The following ANKRD36B variants were observed in gnomAD, a reference collection of about 807,000 sequenced individuals.
ANKRD36B encodes the protein ankyrin repeat domain-containing protein 36B.
Under a neutral mutation model 135.7 loss-of-function variants are expected in ANKRD36B, and 37 were observed. The observed-to-expected ratio is 0.27, with a 90% CI of 0.21 to 0.36. The LOEUF is 0.36. Ranked by LOEUF, ANKRD36B falls within the 10% of genes least tolerant of loss-of-function variation. The pLI, the probability that ANKRD36B is intolerant of heterozygous loss-of-function variation, is 1.00. For synonymous variants in ANKRD36B, 179 were observed against 348.1 expected (o/e 0.51, Z 5.41); for missense variants, 549 against 1,037.1 (o/e 0.53, Z 6.46).
chr2:97,565,889 G>GTATA lies in ANKRD36B; in HGVS notation c.764-5033_764-5030dup, dbSNP rs70938522. On this transcript the variant is annotated intron_variant, in intron 6 of 43. Coordinates refer to ENST00000359901, the MANE Select transcript of ANKRD36B (RefSeq NM_001393939.1). Reference sequence around the variant, plus strand: ...GGTGTGTGTGTGTGTGTGTGTGTGTGTATATATATATATGTACAGTGGCTT... The same window carrying GTATA: ...GGTGTGTGTGTGTGTGTGTGTGTGTGTATATATATATATATATGTACAGTGGCTT... Among the ~76,000 whole-genome samples, 1,365 of 146,272 alleles carry GTATA rather than the reference G, an allele frequency of 9.3e-3. 7 individuals carry two copies. Among genetic ancestry groups the GTATA allele is most frequent in the Middle Eastern group, 0.038 (11 of 286 alleles).
chr2:97,560,578 T>G lies in ANKRD36B; in HGVS notation c.865+87A>C, dbSNP rs370555422. The G allele has an allele frequency of 7.7e-6, 12 of 1,563,816 alleles. No homozygotes were observed. The African/African-American group carries it at 9.5e-5, about 12-fold the overall frequency. ...GTACTGAATCAGAACGTGCAGCTTA[T>G]ATGAACTCCCCACTGATTTATTTGG... On this transcript the variant is annotated intron_variant, in intron 8 of 43. Transcript: ENST00000359901.
At chr2:97,581,162 C>T (rs1362517223) in intron 3 of ANKRD36B, among the ~76,000 whole-genome samples, 1 of 142,556 alleles carries the variant, frequency 7.0e-6, no homozygotes. Context: ...TTCACCTAAT[C>T]CCTATTTGTA....
At chr2:97,554,957 A>G (rs1204701473) in intron 14 of ANKRD36B, 103 bp downstream of exon 14, 54 of 1,410,850 alleles carry the variant, frequency 3.8e-5, no homozygotes, top group Non-Finnish European at 5.1e-5. Flanking sequence ...CTGCTGAATC[A>G]GAATGTGCAG....
intron 5 of ANKRD36B, among the ~76,000 whole-genome samples, chr2:97,577,624 A>G (rs2082314913): frequency 6.7e-6 from 1 of 149,360 alleles, no homozygotes; most frequent in African/African-American, 2.5e-5. Context: ...GCAAGCACAA[A>G]GCCTTACTTT....
In ANKRD36B at chr2:97,589,784, T is replaced by C. The variant is rs1246579908; in HGVS notation, c.-99A>G. On this transcript the variant is annotated 5_prime_UTR_variant, in exon 1 of 44. Transcript: ENST00000359901. Reference sequence around the variant, plus strand: ...CAGCTCGCCTTCGGGGATCGCCGCCTCCGAAGAGCAACAACAGGCAAAGCA... The same window carrying C: ...CAGCTCGCCTTCGGGGATCGCCGCCCCCGAAGAGCAACAACAGGCAAAGCA... 8.9e-6 allele frequency: 14 copies of C among 1,572,830 alleles called. No individual in the cohort carries two copies. Among genetic ancestry groups the C allele is most frequent in the East Asian group, 2.3e-5 (1 of 44,376 alleles).
At chr2:97,552,332 C>A (rs1366319366) in intron 16 of ANKRD36B, among the ~76,000 whole-genome samples, 1 of 151,876 alleles carries the variant, frequency 6.6e-6, no homozygotes, top group African/African-American at 2.4e-5. Flanking sequence ...TCTAAAATAG[C>A]CTTCTTGGGA....
chr2:97,538,261 A>G (rs1341606056), intron 31 of ANKRD36B, 21 bp from the exon 32 acceptor site: 1 of 955,376 alleles, frequency 1.0e-6, no homozygotes, highest in Non-Finnish European at 1.6e-6. Context: ...AGAGAAACAA[A>G]ATAGTCAATA....
rs530545171 is a variant in ANKRD36B, at chr2:97,571,411, G to A, written c.763+4968C>T. On this transcript the variant is annotated intron_variant, in intron 6 of 43. Transcript: ENST00000359901. The stretch of plus-strand genomic sequence containing the variant: ...ACCTATAATCCAAACACTTTGGGAG[G>A]CTGGGGCGGGCGGATCACAAGGTCA... Among the ~76,000 whole-genome samples the A allele has an allele frequency of 7.9e-5, 12 of 152,084 alleles. 1 individual carries two copies. In the South Asian group the frequency reaches 1.9e-3, roughly 24 times the overall value.
intron 43 of ANKRD36B, chr2:97,506,581 A>G (rs1355744704): frequency 1.2e-5 from 1 of 85,836 alleles, no homozygotes; most frequent in Admixed American, 1.0e-4. Context: ...GACAAAGTCA[A>G]TGACTAGAGA....
intron 6 of ANKRD36B, among the ~76,000 whole-genome samples, chr2:97,568,793 AAACAAC>A (rs769484597): frequency 3.9e-5 from 6 of 151,962 alleles, no homozygotes; most frequent in African/African-American, 1.2e-4. Context: ...CTAGTGGGAA[AAACAAC>A]AACAACAACA....
rs778296696 is a variant in ANKRD36B at position 97,555,179 on chromosome 2, T to A, written c.1098+47A>T. The A allele has an allele frequency of 4.2e-5, 68 of 1,611,206 alleles. 1 individual carries two copies. The Admixed American group carries it at 6.4e-4, about 15-fold the overall frequency. Reference sequence around the variant, plus strand: ...TTATCAATAAAGAAAGTATGTTTCATGGACTATACAGTTACTAATACAAAA... The same window carrying A: ...TTATCAATAAAGAAAGTATGTTTCAAGGACTATACAGTTACTAATACAAAA... On this transcript the variant is annotated intron_variant, in intron 13 of 43. Coordinates refer to ENST00000359901, the MANE Select transcript of ANKRD36B (RefSeq NM_001393939.1).
intron 20 of ANKRD36B, 83 bp downstream of exon 20, chr2:97,549,336 G>C: frequency 1.4e-6 from 2 of 1,448,906 alleles, no homozygotes; most frequent in Non-Finnish European, 1.9e-6. Context: ...CAGCTTCGAC[G>C]AGCCCCCCGC....
chr2:97,544,817 T>A lies in ANKRD36B; in HGVS notation c.1682-832A>T, dbSNP rs1189624695. Among the ~76,000 whole-genome samples, 2 of 96,282 alleles carry A rather than the reference T, an allele frequency of 2.1e-5. 1 individual carries two copies. Among genetic ancestry groups the A allele is most frequent in the African/African-American group, 6.2e-5 (2 of 32,212 alleles). The allele number at this position is 96,282 out of a possible 152,430, so 63.2% of individuals were successfully genotyped here. A position where few individuals can be genotyped will look rare whatever the true frequency, so the allele number is the denominator to read the frequency against. On this transcript the variant is annotated intron_variant, in intron 24 of 43. Coordinates refer to ENST00000359901, the MANE Select transcript of ANKRD36B (RefSeq NM_001393939.1). ...GGAGTTAATTAGAATTCAACATAAT[T>A]TTTGTTTCTAAAAAGTCTTTTTTGG...
intron 22 of ANKRD36B, among the ~76,000 whole-genome samples, chr2:97,546,327 G>A (rs1286387918): frequency 1.3e-5 from 2 of 151,698 alleles, no homozygotes; most frequent in South Asian, 2.1e-4. Flanking sequence ...ACAGAATTAC[G>A]ACGACATTTC....
In ANKRD36B at chr2:97,589,649, G is replaced by A. The variant is rs2083283555; in HGVS notation, c.37C>T (p.His13Tyr). 3 of 1,614,198 alleles carry A rather than the reference G, an allele frequency of 1.9e-6. No individual in the cohort carries two copies. The highest frequency in any genetic ancestry group is 2.5e-6 in the Non-Finnish European group (3 of 1,180,034). ...RLCSDGFAFP[H>Y]YYIKPYHLKR... ...AGATGATACGGTTTAATGTAGTAAT[G>A]GGGAAATGCGAAGCCATCCGAGCAC... The change falls in exon 1 of 44, where the codon CAT (histidine) becomes TAT (tyrosine). Residue 13 changes from histidine to tyrosine, a missense_variant. By Grantham distance (83) the His-to-Tyr change is moderately conservative (BLOSUM62 2). Coordinates refer to ENST00000359901, the MANE Select transcript of ANKRD36B (RefSeq NM_001393939.1).
intron 4 of ANKRD36B, 78 bp from the exon 5 acceptor site, chr2:97,579,121 G>A: frequency 7.5e-7 from 1 of 1,326,632 alleles, no homozygotes; most frequent in Non-Finnish European, 1.0e-6. Flanking sequence ...AACTTAACAT[G>A]TTGCCTGTCC....
chr2:97,585,466 C>G, intron 1 of ANKRD36B, 68 bp from the exon 2 acceptor site: 4 of 1,495,460 alleles, frequency 2.7e-6, no homozygotes, highest in Non-Finnish European at 1.8e-6. Context: ...ATTTCTCTGT[C>G]TTCAAAACAA....
At chr2:97,571,386 A>T (rs572834214) in intron 6 of ANKRD36B, among the ~76,000 whole-genome samples, 2 of 152,158 alleles carry the variant, frequency 1.3e-5, no homozygotes, top group South Asian at 4.2e-4. Context: ...GGTGCCTTAC[A>T]CCTATAATCC....
At chr2:97,584,754 G>C (rs1255002157) in intron 3 of ANKRD36B, among the ~76,000 whole-genome samples, 190 bp downstream of exon 3, 1 of 136,910 alleles carries the variant, frequency 7.3e-6, no homozygotes, top group Non-Finnish European at 1.5e-5. Context: ...ATGAAAAAAG[G>C]CTGTTCCCTA....
Sources: gnomAD v4.1 joint callset for allele counts (sites outside exome capture counted in the v4.1 genomes callset) on GRCh38, gnomAD v4.1.1 for gene constraint, MANE v1.5 for transcripts, NCBI Gene and HGNC (gene_info 2026-07-23, HGNC 2026-07-21) for gene names.